The following TULP4 variants were observed in gnomAD, a reference collection of about 807,000 sequenced individuals.
TULP4 encodes the protein TUB like protein 4, also known as tubby-related protein 4.
In TULP4, 16 loss-of-function variants were observed where a neutral mutation model predicts 129.0. The observed-to-expected ratio is 0.12, with a 90% CI of 0.08 to 0.19. The LOEUF (loss-of-function observed/expected upper bound fraction) is 0.19. Ranked by LOEUF, TULP4 falls within the 10% of genes least tolerant of loss-of-function variation. The probability of loss-of-function intolerance (pLI) is 1.00; values close to 1 mark genes in which losing one functional copy is unlikely to be tolerated. For missense variants in TULP4, 1,842 were observed against 2,059.1 expected (o/e 0.89, Z 2.04); for synonymous variants, 998 against 854.0 (o/e 1.17, Z -2.94).
At chr6:158,425,279 C>T (rs1401802203) in intron 2 of TULP4, among the ~76,000 whole-genome samples, 4 of 151,270 alleles carry the variant, frequency 2.6e-5, no homozygotes, top group Admixed American at 6.6e-5. Context: ...TTTGGGAAGC[C>T]GAGGAGGGCC....
intron 5 of TULP4, among the ~76,000 whole-genome samples, chr6:158,460,181 G>C (rs1282607436): frequency 6.6e-6 from 1 of 152,168 alleles, no homozygotes; most frequent in African/African-American, 2.4e-5. Context: ...ACACACTCTA[G>C]TTTTCAAGAG....
intron 5 of TULP4, among the ~76,000 whole-genome samples, chr6:158,456,647 T>C (rs532857450): frequency 6.6e-6 from 1 of 152,134 alleles, no homozygotes; most frequent in African/African-American, 2.4e-5. Flanking sequence ...GCCTGGCCAA[T>C]ATGGTGAAAC....
intron 1 of TULP4, among the ~76,000 whole-genome samples, chr6:158,351,512 A>G (rs900893116): frequency 1.3e-5 from 2 of 152,110 alleles, no homozygotes; most frequent in African/African-American, 4.8e-5. Context: ...AGTTATACAT[A>G]CTGTGTTCTT....
At chr6:158,306,434 T>A (rs1282690835) in intron 1 of TULP4, among the ~76,000 whole-genome samples, 1 of 152,184 alleles carries the variant, frequency 6.6e-6, no homozygotes, top group Non-Finnish European at 1.5e-5. Flanking sequence ...GGCATGCGCC[T>A]GTAGTCCCAG....
intron 1 of TULP4, among the ~76,000 whole-genome samples, chr6:158,371,959 C>T (rs1415430306): frequency 6.6e-6 from 1 of 152,038 alleles, no homozygotes; most frequent in African/African-American, 2.4e-5. Flanking sequence ...GCACTACAGG[C>T]ACATGCCACC....
At chr6:158,255,460 G>T (rs1454162975) in intron 1 of TULP4, among the ~76,000 whole-genome samples, 1 of 152,092 alleles carries the variant, frequency 6.6e-6, no homozygotes, top group Non-Finnish European at 1.5e-5. Flanking sequence ...TGACTGTAGG[G>T]GTGAGCCAGA....
chr6:158,245,001 T>G (rs938607998), intron 1 of TULP4, among the ~76,000 whole-genome samples: 9 of 152,022 alleles, frequency 5.9e-5, no homozygotes, highest in African/African-American at 2.2e-4. Context: ...ATTTTTTTAT[T>G]TTTTTGGAGA....
At position 158,315,525 on chromosome 6, in the gene TULP4, A is replaced by G. The variant is rs182688148; in HGVS notation, c.252+1257A>G. Among the ~76,000 whole-genome samples, 95 of 152,350 alleles carry G rather than the reference A, an allele frequency of 6.2e-4. 1 individual carries two copies. Among genetic ancestry groups the G allele is most frequent in the African/African-American group, 2.2e-3 (91 of 41,578 alleles). Reference sequence around the variant, plus strand: ...CTAAACTTAACTCTCGATTATTTTTATATGCAGTCACCCATGTAAGCGCCA... The same window carrying G: ...CTAAACTTAACTCTCGATTATTTTTGTATGCAGTCACCCATGTAAGCGCCA... On this transcript the variant is annotated intron_variant, in intron 1 of 13. Coordinates refer to ENST00000367097, the MANE Select transcript of TULP4 (RefSeq NM_020245.5).
chr6:158,320,280 C>T (rs763525768), intron 1 of TULP4, among the ~76,000 whole-genome samples: 22 of 152,062 alleles, frequency 1.4e-4, no homozygotes, highest in Non-Finnish European at 1.2e-4. Flanking sequence ...GCAGGTATGT[C>T]AGGCAAAATA....
In TULP4 at chr6:158,511,072, A is replaced by C. The variant is rs975362015; in HGVS notation, c.*4378A>C. 9 of 152,694 alleles carry C rather than the reference A, an allele frequency of 5.9e-5. No homozygotes were observed. Among genetic ancestry groups the C allele is most frequent in the African/African-American group, 2.2e-4 (9 of 41,546 alleles). 9.5% of individuals were successfully genotyped at this position (152,694 alleles called of 1,614,324 possible). On this transcript the variant is annotated 3_prime_UTR_variant, in exon 14 of 14. Transcript: ENST00000367097. ...GTGATTCCTTACCTCTGGCTGATAA[A>C]ACTCTAATGGGTTGTGGCTTACTTT...
At chr6:158,252,221 G>A (rs574848808) in intron 1 of TULP4, among the ~76,000 whole-genome samples, 1 of 151,918 alleles carries the variant, frequency 6.6e-6, no homozygotes, top group Non-Finnish European at 1.5e-5. Flanking sequence ...GACATATTTT[G>A]ATGTGTAAAA....
rs1780472280 is a variant in TULP4, at chr6:158,502,399, C to A, written c.2736C>A (p.Asn912Lys). Residue 912 changes from asparagine to lysine, a missense_variant, in exon 13 of 14, where the codon AAC (asparagine) becomes AAA (lysine). Physicochemically the swap from Asn to Lys is moderately conservative, Grantham distance 94. Transcript: ENST00000367097. ...GCACCCGGATGCTGTGCTCCCAGAACACGTACACCCTCCCCGGCCCGGGTA... is the reference window on the plus strand; with the variant it reads ...GCACCCGGATGCTGTGCTCCCAGAAAACGTACACCCTCCCCGGCCCGGGTA... ...RPRTRMLCSQNTYTLPGPGSS... is the reference protein window; with the variant it reads ...RPRTRMLCSQKTYTLPGPGSS... 1 of 1,613,818 alleles carries A rather than the reference C, an allele frequency of 6.2e-7. No individual in the cohort carries two copies. The highest frequency in any genetic ancestry group is 1.3e-5 in the African/African-American group (1 of 74,986).
rs183798636 is a variant in TULP4 at position 158,298,629 on chromosome 6, A to T, written n.117-13422A>T. ...TTTTCCTGGAGTCAAAACGGGAGTT[A>T]ACACAAGTGTATAAATGACAATTAA... On this transcript the variant is annotated intron_variant and non_coding_transcript_variant, in intron 1 of 1. Transcript: ENST00000432358. Among the ~76,000 whole-genome samples the T allele has an allele frequency of 2.0e-5, 3 of 152,332 alleles. No homozygotes were observed. In the East Asian group the frequency reaches 5.8e-4, roughly 29 times the overall value.
At chr6:158,446,569 C>T (rs1305449981) in intron 3 of TULP4, among the ~76,000 whole-genome samples, 1 of 152,162 alleles carries the variant, frequency 6.6e-6, no homozygotes, top group Non-Finnish European at 1.5e-5. Flanking sequence ...TGCAAATACT[C>T]CTGTGTGTTG....
intron 6 of TULP4, among the ~76,000 whole-genome samples, chr6:158,469,054 T>C (rs1779615495): frequency 6.6e-6 from 1 of 152,228 alleles, no homozygotes; most frequent in Non-Finnish European, 1.5e-5. Context: ...TTTGGCCTTT[T>C]GTTTTGTATT....
intron 1 of TULP4, among the ~76,000 whole-genome samples, chr6:158,397,042 TAG>T (rs1777733730): frequency 1.3e-5 from 2 of 152,124 alleles, no homozygotes; most frequent in African/African-American, 4.8e-5. Flanking sequence ...AGATTTTCAA[TAG>T]TAAGGTGAAT....
intron 8 of TULP4, among the ~76,000 whole-genome samples, chr6:158,489,170 C>T (rs1268645095): frequency 6.6e-6 from 1 of 152,188 alleles, no homozygotes; most frequent in Non-Finnish European, 1.5e-5. Flanking sequence ...GGCTTGGCAT[C>T]CGCAAGGGCC....
intron 1 of TULP4, among the ~76,000 whole-genome samples, chr6:158,257,989 G>T (rs1778278423): frequency 6.6e-6 from 1 of 152,122 alleles, no homozygotes. Context: ...GGTTCCAAGG[G>T]GTGGCTGATC....
At chr6:158,395,668 C>CGGGGGGCG (rs5881258) in intron 1 of TULP4, among the ~76,000 whole-genome samples, 30,203 of 81,346 alleles carry the variant, frequency 0.37, 6,322 homozygotes, top group African/African-American at 0.49. Flanking sequence ...AAGTGATGGG[C>CGGGGGGCG]GGGGGGGGGG....
Sources: gnomAD v4.1 joint callset for allele counts (sites outside exome capture counted in the v4.1 genomes callset) on GRCh38, gnomAD v4.1.1 for gene constraint, MANE v1.5 for transcripts, NCBI Gene and HGNC (gene_info 2026-07-23, HGNC 2026-07-21) for gene names.